Variants in GEM observed in about 807,000 individuals in gnomAD.
GEM encodes GTP-binding protein GEM.
Under a neutral mutation model 33.0 loss-of-function variants are expected in GEM, and 31 were observed. That is an observed-to-expected ratio of 0.94 (90% CI 0.71 to 1.27). The LOEUF (loss-of-function observed/expected upper bound fraction) is 1.27. Among genes scored for constraint, GEM ranks in the 50% most tolerant of loss-of-function variants. The pLI, the probability that GEM is intolerant of heterozygous loss-of-function variation, is 0.00. For missense variants in GEM, 354 were observed against 390.5 expected (o/e 0.91, Z 0.79); for synonymous variants, 141 against 143.7 (o/e 0.98, Z 0.13).
chr8:94,251,489 T>C (rs1040342891), intron 4 of GEM, among the ~76,000 whole-genome samples: 1 of 152,188 alleles, frequency 6.6e-6, no homozygotes, highest in Non-Finnish European at 1.5e-5. Context: ...TCAAGGGCTA[T>C]AAAAGCACTT....
intron 2 of GEM, among the ~76,000 whole-genome samples, chr8:94,253,668 A>G (rs1427491227): frequency 1.3e-5 from 2 of 152,154 alleles, no homozygotes; most frequent in Non-Finnish European, 2.9e-5. Flanking sequence ...TTTTAAAAAA[A>G]ATGCTGTTCC....
chr8:94,255,489 G>C (rs371046433), intron 2 of GEM, among the ~76,000 whole-genome samples: 18 of 152,146 alleles, frequency 1.2e-4, no homozygotes, highest in African/African-American at 4.3e-4. Flanking sequence ...ACGGCCTCTG[G>C]CTGTGTGCAC....
At chr8:94,257,464 G>A (rs777314940) in intron 2 of GEM, among the ~76,000 whole-genome samples, 6 of 152,196 alleles carry the variant, frequency 3.9e-5, no homozygotes, top group Non-Finnish European at 8.8e-5. Flanking sequence ...TTACAGGCAT[G>A]AGCCACCATG....
chr8:94,256,342 A>C (rs1165805819), intron 2 of GEM, among the ~76,000 whole-genome samples: 5 of 152,086 alleles, frequency 3.3e-5, no homozygotes, highest in Non-Finnish European at 1.5e-5. Context: ...TGTACTTGGA[A>C]TTGAGCCCCA....
At position 94,250,538 on chromosome 8, in the gene GEM, A is replaced by G. The variant is rs1422765454; in HGVS notation, c.663T>C (p.Ser221=). 8 of 1,614,010 alleles carry G rather than the reference A, an allele frequency of 5.0e-6. No individual in the cohort carries two copies. The highest frequency in any genetic ancestry group is 5.1e-6 in the Non-Finnish European group (6 of 1,179,970). Residue 221 remains serine (S), a synonymous_variant, in exon 5 of 5, where the codon TCT becomes TCC. Coordinates refer to ENST00000297596, the MANE Select transcript of GEM (RefSeq NM_005261.4). ...VVFDCKFIET[S]AAVQHNVKEL... ...CCTTCACGTTGTGCTGGACAGCTGCAGAGGTCTCGATGAACTTGCAGTCAA... is the reference window on the plus strand; with the variant it reads ...CCTTCACGTTGTGCTGGACAGCTGCGGAGGTCTCGATGAACTTGCAGTCAA...
chr8:94,255,300 T>C (rs1452375003), intron 2 of GEM, among the ~76,000 whole-genome samples: 2 of 152,190 alleles, frequency 1.3e-5, no homozygotes, highest in Admixed American at 1.3e-4. Flanking sequence ...ATCACAGCCA[T>C]GAAAGTAAAA....
intron 2 of GEM, among the ~76,000 whole-genome samples, chr8:94,259,520 G>T (rs1200477441): frequency 6.6e-6 from 1 of 152,174 alleles, no homozygotes; most frequent in African/African-American, 2.4e-5. Context: ...CCTAGCTGAA[G>T]AATACATGCA....
intron 2 of GEM, among the ~76,000 whole-genome samples, chr8:94,257,959 G>GT (rs1249201898): frequency 2.4e-4 from 37 of 151,886 alleles, no homozygotes; most frequent in Non-Finnish European, 8.8e-5. Context: ...GATTCTCTGT[G>GT]TAAGAAGCTA....
intron 3 of GEM, among the ~76,000 whole-genome samples, chr8:94,252,689 T>G (rs1269860737): frequency 6.6e-6 from 1 of 152,202 alleles, no homozygotes; most frequent in Non-Finnish European, 1.5e-5. Flanking sequence ...AAAAAGCCAA[T>G]GTTGAAGACT....
At position 94,250,388 on chromosome 8, in the gene GEM, G is replaced by A. The variant is rs530942518; in HGVS notation, c.813C>T (p.Gly271=). The A allele has an allele frequency of 5.9e-5, 96 of 1,614,036 alleles. No homozygotes were observed. The South Asian group carries it at 9.7e-4, about 16-fold the overall frequency. Residue 271 remains glycine (G), a synonymous_variant, in exon 5 of 5, where the codon GGC becomes GGT. Transcript: ENST00000297596. ...SMPRKARRFW[G]KIVAKNNKNM... is the part of the protein sequence containing the mutation. ...TCTTGTTGTTTTTGGCCACGATCTT[G>A]CCCCAGAAGCGCCTGGCTTTCCTGG...
rs185644877 is a variant in GEM, at chr8:94,253,862, G to A, written c.332-750C>T. Reference sequence around the variant, plus strand: ...CCTGGAAAATCCATGGGGGGCAGGCGTAGAAAAGGGGTACAGTGGGATTTT... The same window carrying A: ...CCTGGAAAATCCATGGGGGGCAGGCATAGAAAAGGGGTACAGTGGGATTTT... On this transcript the variant is annotated intron_variant, in intron 2 of 4. Coordinates refer to ENST00000297596, the MANE Select transcript of GEM (RefSeq NM_005261.4). 1.7e-3 allele frequency among the ~76,000 whole-genome samples: 259 copies of A among 152,250 alleles called. 1 individual carries two copies. The highest frequency in any genetic ancestry group is 5.8e-3 in the African/African-American group (243 of 41,546).
chr8:94,252,059 G>A lies in GEM; in HGVS notation c.573C>T (p.Asn191=). 1.2e-6 allele frequency: 2 copies of A among 1,614,068 alleles called. No individual in the cohort carries two copies. The highest frequency in any genetic ancestry group is 2.7e-5 in the African/African-American group (2 of 75,036). ...CTCGGCACCGCACTAAGTCACTTTT[G>A]TTGCCAACCAAAATTATGGGAATGT... ...TEDIPIILVG[N]KSDLVRCREV... Residue 191 remains asparagine (N), a synonymous_variant, in exon 4 of 5, where the codon AAC becomes AAT. Coordinates refer to ENST00000297596, the MANE Select transcript of GEM (RefSeq NM_005261.4).
intron 4 of GEM, among the ~76,000 whole-genome samples, chr8:94,251,704 C>T (rs1283058443): frequency 6.6e-6 from 1 of 152,122 alleles, no homozygotes; most frequent in Non-Finnish European, 1.5e-5. Context: ...TCACAGTTCC[C>T]CTAAATCAGA....
intron 2 of GEM, among the ~76,000 whole-genome samples, chr8:94,257,983 C>T (rs879888541): frequency 1.5e-4 from 23 of 152,056 alleles, no homozygotes; most frequent in Non-Finnish European, 3.1e-4. Context: ...AAAGGATTCC[C>T]TTTCTCTCAT....
intron 2 of GEM, 42 bp downstream of exon 2, chr8:94,260,131 C>T (rs771206611): frequency 7.5e-7 from 1 of 1,326,546 alleles, no homozygotes; most frequent in African/African-American, 1.4e-5. Context: ...CTTCCTGGGC[C>T]ACCCCTGGTG....
intron 2 of GEM, among the ~76,000 whole-genome samples, chr8:94,254,115 G>T (rs1808836900): frequency 6.6e-6 from 1 of 151,986 alleles, no homozygotes; most frequent in African/African-American, 2.4e-5. Flanking sequence ...ATTTAAAATT[G>T]CAACACTTCT....
Position 94,260,309 on chromosome 8 carries a change from T to C in GEM, c.195A>G (p.Ser65=), listed in dbSNP as rs145046153. 8.0e-5 allele frequency: 129 copies of C among 1,614,020 alleles called. No homozygotes were observed. The highest frequency in any genetic ancestry group is 5.5e-5 in the Non-Finnish European group (65 of 1,179,976). Residue 65 remains serine (S), a synonymous_variant, in exon 2 of 5, where the codon TCA becomes TCG. Transcript: ENST00000297596. The stretch of plus-strand genomic sequence containing the variant: ...TGTTCCCTGACTCAGAGGAGATGAC[T>C]GAGTCTGTGGAGTCAGAGGACCAGC... ...RRSWSSDSTD[S]VISSESGNTY... is the part of the protein sequence containing the mutation.
chr8:94,255,828 T>C (rs1162000975), intron 2 of GEM, among the ~76,000 whole-genome samples: 1 of 152,166 alleles, frequency 6.6e-6, no homozygotes, highest in South Asian at 2.1e-4. Flanking sequence ...GCACACTCTA[T>C]GTAGCAAAAG....
At chr8:94,251,046 A>G (rs1808760553) in intron 4 of GEM, among the ~76,000 whole-genome samples, 1 of 152,212 alleles carries the variant, frequency 6.6e-6, no homozygotes, top group Non-Finnish European at 1.5e-5. Flanking sequence ...TGTAAGTGGC[A>G]GTGAAGCCAG....
Sources: gnomAD v4.1 joint callset for allele counts (sites outside exome capture counted in the v4.1 genomes callset) on GRCh38, gnomAD v4.1.1 for gene constraint, MANE v1.5 for transcripts, NCBI Gene and HGNC (gene_info 2026-07-23, HGNC 2026-07-21) for gene names.